The following BEST2 variants were observed in gnomAD, a reference collection of about 807,000 sequenced individuals.
BEST2 encodes bestrophin 2, also known as bestrophin-2a.
A neutral mutation model predicts 49.0 loss-of-function variants in BEST2; 36 were observed. The observed-to-expected ratio is 0.73, with a 90% confidence interval of 0.56 to 0.97. The LOEUF (loss-of-function observed/expected upper bound fraction) is 0.97, where lower values mean the gene tolerates loss of function less well. Among genes scored for constraint, BEST2 ranks in the 50% least tolerant of loss-of-function variants. BEST2 has a pLI of 0.00. For synonymous variants in BEST2, 335 were observed against 304.4 expected, an observed-to-expected ratio of 1.10 and a Z score of -1.05; for missense variants, 672 against 710.0, an observed-to-expected ratio of 0.95 and a Z score of 0.61.
At chr19:12,754,303 A>C (rs1967907731) in intron 3 of BEST2, among the ~76,000 whole-genome samples, 1 of 151,664 alleles carries the variant, frequency 6.6e-6, no homozygotes, top group Non-Finnish European at 1.5e-5. Flanking sequence ...CAAACTCCTG[A>C]CCTCATGATC....
chr19:12,756,091 C>T (rs769013011), intron 8 of BEST2, 50 bp from the exon 9 acceptor site: 2 of 1,610,988 alleles, frequency 1.2e-6, no homozygotes, highest in Non-Finnish European at 1.7e-6. Context: ...ACCCTGTGGT[C>T]CCGGCGGGTT....
rs1351031453 is a variant in BEST2, at chr19:12,755,431, T to A, written c.689T>A (p.Ile230Asn). 1 of 1,614,174 alleles carries A rather than the reference T, an allele frequency of 6.2e-7. No individual in the cohort carries two copies. The highest frequency in any genetic ancestry group is 1.7e-5 in the Admixed American group (1 of 60,022). Residue 230 changes from isoleucine (I) to asparagine (N), a missense_variant, in exon 6 of 10, where the codon ATT becomes AAT. Coordinates refer to ENST00000553030, the MANE Select transcript of BEST2 (RefSeq NM_017682.3). The surrounding 1 kb of genome is among the most constrained non-coding windows in gnomAD (Gnocchi z 4.4). ...KCGMLFHYDWISVPLVYTQVV... is the reference protein window; with the variant it reads ...KCGMLFHYDWNSVPLVYTQVV... ...GGAATGCTCTTTCACTATGACTGGA[T>A]TAGCGTACCCCTCGTGTACACGCAG...
In BEST2 at chr19:12,752,405, G is replaced by A. The variant is rs1481866016; in HGVS notation, c.-51-137G>A. ...AGATGAAGGTCAGGGAGGGGCACTG[G>A]GGGCTGGACTAGACTGAGTAAAGCT... On this transcript the variant is annotated intron_variant, in intron 1 of 9. Transcript: ENST00000553030. The A allele has an allele frequency of 7.1e-6, 4 of 563,168 alleles. No homozygotes were observed. The South Asian group carries it at 8.8e-5, about 12-fold the overall frequency. 34.9% of individuals were successfully genotyped at this position (563,168 alleles called of 1,614,324 possible). A position where few individuals can be genotyped will look rare whatever the true frequency, so the allele number is the denominator to read the frequency against.
At chr19:12,756,368 G>A in intron 9 of BEST2, 73 bp downstream of exon 9, 1 of 1,555,200 alleles carries the variant, frequency 6.4e-7, no homozygotes, top group Non-Finnish European at 8.8e-7. Flanking sequence ...GATTGAAAAG[G>A]TTAAGTGGAA....
Position 12,757,801 on chromosome 19 carries a change from C to T in BEST2, c.1254C>T (p.Leu418=), listed in dbSNP as rs750831722. The change falls in exon 10 of 10, where the codon CTC becomes CTT. Residue 418 remains leucine, a synonymous_variant. Coordinates refer to ENST00000553030, the MANE Select transcript of BEST2 (RefSeq NM_017682.3). ...GPLGRRLSFL[L]RKNSCVSEAS... ...TGGGCCGGCGCCTGTCCTTTCTACTCCGCAAGAACAGCTGCGTGTCGGAGG... is the reference window on the plus strand; with the variant it reads ...TGGGCCGGCGCCTGTCCTTTCTACTTCGCAAGAACAGCTGCGTGTCGGAGG... The T allele has an allele frequency of 3.9e-6, 6 of 1,548,530 alleles. No homozygotes were observed. The South Asian group carries it at 7.1e-5, about 18-fold the overall frequency.
Position 12,756,146 on chromosome 19 carries a change from C to G in BEST2, c.954C>G (p.Ser318=). Residue 318 remains serine, a synonymous_variant, in exon 9 of 10, where the codon TCC becomes TCG. Transcript: ENST00000553030. ...NFLIDRNFQV[S]MLAVDEMYDD... is the part of the protein sequence containing the mutation. ...CTGTGTGTTTGCACCCGTAGGTGTC[C>G]ATGCTGGCAGTGGACGAGATGTATG... 6.2e-7 allele frequency: 1 copy of G among 1,614,252 alleles called. No homozygotes were observed. Among genetic ancestry groups the G allele is most frequent in the Non-Finnish European group, 8.5e-7 (1 of 1,180,046 alleles).
Position 12,758,021 on chromosome 19 carries a change from C to T in BEST2, c.1474C>T (p.Pro492Ser). 6.2e-7 allele frequency: 1 copy of T among 1,613,092 alleles called. No individual in the cohort carries two copies. The highest frequency in any genetic ancestry group is 8.5e-7 in the Non-Finnish European group (1 of 1,179,934). ...SIVTMPGPRG[P>S]APPWLPSPIG... Reference sequence around the variant, plus strand: ...CGTGACCATGCCCGGGCCCCGGGGTCCGGCGCCACCCTGGCTGCCCAGCCC... The same window carrying T: ...CGTGACCATGCCCGGGCCCCGGGGTTCGGCGCCACCCTGGCTGCCCAGCCC... Residue 492 changes from proline (P) to serine (S), a missense_variant, in exon 10 of 10, where the codon CCG becomes TCG. By Grantham distance (74) the Pro-to-Ser change is moderately conservative. This residue lies in a region of BEST2 where 291 missense variants were observed against 279.8 expected (regional missense o/e 1.04). Coordinates refer to ENST00000553030, the MANE Select transcript of BEST2 (RefSeq NM_017682.3).
In BEST2 at chr19:12,752,727, G is replaced by A. The variant is rs755359302; in HGVS notation, c.135G>A (p.Ala45=). ...ELLCFLGFYM[A]LSAAYRFVLT... is the part of the protein sequence containing the mutation. Reference sequence around the variant, plus strand: ...TCTGCTTCCTTGGGTTCTACATGGCGCTGAGTGCTGCCTACCGGTGAGGCT... The same window carrying A: ...TCTGCTTCCTTGGGTTCTACATGGCACTGAGTGCTGCCTACCGGTGAGGCT... The change falls in exon 2 of 10, where the codon GCG becomes GCA. Residue 45 remains alanine, a synonymous_variant. Coordinates refer to ENST00000553030, the MANE Select transcript of BEST2 (RefSeq NM_017682.3). 48 of 1,611,756 alleles carry A rather than the reference G, an allele frequency of 3.0e-5. No homozygotes were observed. The African/African-American group carries it at 4.1e-4, about 14-fold the overall frequency.
Position 12,755,387 on chromosome 19 carries a change from T to C in BEST2, c.645T>C (p.Asn215=), listed in dbSNP as rs750927835. ...CCTGTATCCACCCCCAGGAGCTGAA[T>C]GTTTTTCGGGGCAAATGTGGAATGC... The part of the protein sequence containing the change: ...SALKLLLEEL[N]VFRGKCGMLF... The change falls in exon 6 of 10, where the codon AAT becomes AAC. Residue 215 remains asparagine (N), a synonymous_variant. Transcript: ENST00000553030. The surrounding 1 kb of genome is among the most constrained non-coding windows in gnomAD (Gnocchi z 4.4). The C allele has an allele frequency of 6.2e-7, 1 of 1,614,176 alleles. No homozygotes were observed. Among genetic ancestry groups the C allele is most frequent in the Admixed American group, 1.7e-5 (1 of 60,026 alleles).
chr19:12,752,866 T>G (rs1348084227), intron 2 of BEST2, 122 bp downstream of exon 2: 7 of 767,172 alleles, frequency 9.1e-6, no homozygotes, highest in Non-Finnish European at 1.2e-5. Flanking sequence ...TTTTTTAAAC[T>G]GAGATGGAGT....
intron 3 of BEST2, among the ~76,000 whole-genome samples, chr19:12,753,844 G>T (rs191744343): frequency 3.5e-4 from 54 of 152,168 alleles, no homozygotes; most frequent in African/African-American, 1.3e-3. Flanking sequence ...CAGGGGCCGG[G>T]TGTGGCTACT....
chr19:12,754,703 G>C lies in BEST2; in HGVS notation c.399G>C (p.Gly133=). 6.3e-7 allele frequency: 1 copy of C among 1,588,024 alleles called. No homozygotes were observed. Among genetic ancestry groups the C allele is most frequent in the Admixed American group, 1.8e-5 (1 of 55,980 alleles). The stretch of plus-strand genomic sequence containing the variant: ...GGCGCACACTCATGCGCTACGCAGG[G>C]CTCTCGGCCGTGCTCATCCTGCGCT... ...LYRRTLMRYA[G]LSAVLILRSV... The change falls in exon 4 of 10, where the codon GGG becomes GGC. Residue 133 remains glycine (G), a synonymous_variant. Transcript: ENST00000553030.
Position 12,755,474 on chromosome 19 carries a change from C to G in BEST2, c.714+18C>G, listed in dbSNP as rs1474457792. The G allele has an allele frequency of 6.2e-7, 1 of 1,613,682 alleles. No homozygotes were observed. Among genetic ancestry groups the G allele is most frequent in the Non-Finnish European group, 8.5e-7 (1 of 1,179,616 alleles). On this transcript the variant is annotated intron_variant, in intron 6 of 9. Transcript: ENST00000553030. This position sits in a 1 kb window ranked among gnomAD's most constrained non-coding sequence, Gnocchi z 4.4. ...ACACGCAGGTAACCCCATCATGCCT[C>G]TTTTTATATTCGGTGTCAGTGGCCC...
chr19:12,754,859 C>T lies in BEST2; in HGVS notation c.482-18C>T, dbSNP rs1183887031. 3 of 1,607,414 alleles carry T rather than the reference C, an allele frequency of 1.9e-6. No individual in the cohort carries two copies. Among genetic ancestry groups the T allele is most frequent in the African/African-American group, 2.7e-5 (2 of 74,852 alleles). On this transcript the variant is annotated intron_variant, in intron 4 of 9. Coordinates refer to ENST00000553030, the MANE Select transcript of BEST2 (RefSeq NM_017682.3). Reference sequence around the variant, plus strand: ...GAGGGGGGCAAGGGGCGAGCTATCCCTGACCCCTTTCCTCCAGGGTTTATG... The same window carrying T: ...GAGGGGGGCAAGGGGCGAGCTATCCTTGACCCCTTTCCTCCAGGGTTTATG...
chr19:12,758,178 C>G lies in BEST2; in HGVS notation c.*101C>G. ...TAAGCCTCGTGTGCCTTTGTAAAGT[C>G]CACCTACACTTTTGACCAGCTCTCG... is the stretch of plus-strand genomic sequence containing the variant. On this transcript the variant is annotated 3_prime_UTR_variant, in exon 10 of 10. Coordinates refer to ENST00000553030, the MANE Select transcript of BEST2 (RefSeq NM_017682.3). 7.3e-7 allele frequency: 1 copy of G among 1,364,854 alleles called. No homozygotes were observed. The highest frequency in any genetic ancestry group is 1.0e-6 in the Non-Finnish European group (1 of 1,000,654). The allele number at this position is 1,364,854 out of a possible 1,614,324, so 84.5% of individuals were successfully genotyped here.
At position 12,752,712 on chromosome 19, in the gene BEST2, T is replaced by C. The variant is rs61737518; in HGVS notation, c.120T>C (p.Leu40=). The change falls in exon 2 of 10, where the codon CTT becomes CTC. Residue 40 remains leucine, a synonymous_variant. Coordinates refer to ENST00000553030, the MANE Select transcript of BEST2 (RefSeq NM_017682.3). Reference sequence around the variant, plus strand: ...TGTGGCGAGAGCTGCTCTGCTTCCTTGGGTTCTACATGGCGCTGAGTGCTG... The same window carrying C: ...TGTGGCGAGAGCTGCTCTGCTTCCTCGGGTTCTACATGGCGCTGAGTGCTG... ...KLLWRELLCF[L]GFYMALSAAY... 3,657 of 1,612,532 alleles carry C rather than the reference T, an allele frequency of 2.3e-3. 84 individuals are homozygous for C. In the African/African-American group the frequency reaches 0.043, roughly 19 times the overall value.
At chr19:12,754,817 C>T (rs757994324) in intron 4 of BEST2, 32 bp downstream of exon 4, 1 of 1,581,836 alleles carries the variant, frequency 6.3e-7, no homozygotes, top group Non-Finnish European at 8.6e-7. Context: ...GGGCAGAGAC[C>T]GGGCAAGGAC....
rs778094659 is a variant in BEST2 at position 12,756,179 on chromosome 19, G to A, written c.987G>A (p.Leu329=). The A allele has an allele frequency of 1.2e-5, 20 of 1,614,226 alleles. No individual in the cohort carries two copies. Among genetic ancestry groups the A allele is most frequent in the Middle Eastern group, 1.6e-4 (1 of 6,062 alleles). Residue 329 remains leucine, a synonymous_variant, in exon 9 of 10, where the codon CTG becomes CTA. Transcript: ENST00000553030. ...MLAVDEMYDD[L]AVLEKDLYWD... ...CAGTGGACGAGATGTATGATGACCT[G>A]GCTGTGCTGGAGAAGGACTTGTACT...
chr19:12,754,944 G>A lies in BEST2; in HGVS notation c.549G>A (p.Val183=). Residue 183 remains valine (V), a synonymous_variant, in exon 5 of 10, where the codon GTG becomes GTA. Transcript: ENST00000553030. The part of the protein sequence containing the change: ...NLNSSYNKYW[V]PCVWFSNLAA... ...ACTCATCCTACAACAAGTACTGGGT[G>A]CCCTGCGTCTGGTTCTCCAACCTGG... is the stretch of plus-strand genomic sequence containing the variant. 8.1e-6 allele frequency: 13 copies of A among 1,613,858 alleles called. No homozygotes were observed. The highest frequency in any genetic ancestry group is 9.3e-6 in the Non-Finnish European group (11 of 1,179,904).
Sources: allele counts gnomAD v4.1 joint callset (sites outside exome capture counted in the v4.1 genomes callset), GRCh38; gene constraint gnomAD v4.1.1; regional missense constraint gnomAD v4.1.1; non-coding constraint Gnocchi (gnomAD v3.1); transcripts MANE v1.5; gene names NCBI Gene and HGNC (gene_info 2026-07-23, HGNC 2026-07-21).